SCAPER: variants seen among roughly 807,000 people sequenced by gnomAD.
The protein encoded by SCAPER is S-phase cyclin A associated protein in the ER, also known as S phase cyclin A-associated protein in the endoplasmic reticulum.
SCAPER carries 98 observed loss-of-function variants against 182.2 expected under a neutral mutation model. That is an observed-to-expected ratio of 0.54 (90% CI 0.46 to 0.64). SCAPER has a LOEUF of 0.64. Ranked by LOEUF, SCAPER falls within the 30% of genes least tolerant of loss-of-function variation. The probability of loss-of-function intolerance (pLI) is 0.00; values close to 1 mark genes in which losing one functional copy is unlikely to be tolerated. For missense variants in SCAPER, 1,432 were observed against 1,690.0 expected (o/e 0.85, Z 2.68); for synonymous variants, 605 against 564.6 (o/e 1.07, Z -1.01).
rs2046884528 is a variant in SCAPER, at chr15:76,431,708, T to G, written c.3311+2370A>C. 7.5e-5 allele frequency among the ~76,000 whole-genome samples: 5 copies of G among 66,954 alleles called. No individual in the cohort carries two copies. The South Asian group carries it at 3.0e-3, about 41-fold the overall frequency. 43.9% of individuals were successfully genotyped at this position (66,954 alleles called of 152,430 possible). ...AAAAAAAAAAAAAAAAAAAAAATGC[T>G]TTGTTTGCTAAACTAGGCAGATGTG... is the stretch of plus-strand genomic sequence containing the variant. On this transcript the variant is annotated intron_variant, in intron 26 of 31. Transcript: ENST00000563290.
rs187022800 is a variant in SCAPER, at chr15:76,901,600, G to A, written c.-60+3699C>T. Among the ~76,000 whole-genome samples, 165 of 152,132 alleles carry A rather than the reference G, an allele frequency of 1.1e-3. 1 individual carries two copies. Among genetic ancestry groups the A allele is most frequent in the Middle Eastern group, 6.8e-3 (2 of 294 alleles). ...AGTTCATCATACTATTCTCTTTTGC[G>A]TATGTTTCAAAACATAAAATGAACG... On this transcript the variant is annotated intron_variant, in intron 1 of 31. Coordinates refer to ENST00000563290, the MANE Select transcript of SCAPER (RefSeq NM_020843.4).
intron 8 of SCAPER, among the ~76,000 whole-genome samples, chr15:76,793,075 CTAA>C (rs1316093484): frequency 1.3e-5 from 2 of 152,142 alleles, no homozygotes; most frequent in Non-Finnish European, 2.9e-5. Flanking sequence ...AGTCCAATTT[CTAA>C]ATCATTTTAT....
chr15:76,521,621 C>G (rs866798226), intron 23 of SCAPER, among the ~76,000 whole-genome samples: 1 of 152,004 alleles, frequency 6.6e-6, no homozygotes, highest in Non-Finnish European at 1.5e-5. Context: ...TTATATAAAG[C>G]GTATACAAAG....
At chr15:76,511,843 A>ATATGTGTGTGTGTGTGTG (rs151255382) in intron 23 of SCAPER, among the ~76,000 whole-genome samples, 36 of 123,286 alleles carry the variant, frequency 2.9e-4, no homozygotes, top group African/African-American at 1.1e-3. Context: ...ATATATATAT[A>ATATGTGTGTGTGTGTGTG]TGTGTGTGTG....
chr15:76,433,439 C>T (rs1006742307), intron 26 of SCAPER, among the ~76,000 whole-genome samples: 2 of 151,994 alleles, frequency 1.3e-5, no homozygotes, highest in African/African-American at 2.4e-5. Flanking sequence ...ACCCAGGAGG[C>T]GAAGGTTGCT....
chr15:76,899,702 C>T (rs577267133), intron 1 of SCAPER, among the ~76,000 whole-genome samples: 3 of 152,054 alleles, frequency 2.0e-5, no homozygotes, highest in South Asian at 2.1e-4. Flanking sequence ...GCCGCCACCC[C>T]GTCTAGGAAG....
chr15:76,592,617 T>C lies in SCAPER; in HGVS notation c.2712-18333A>G, dbSNP rs1330699216. 2.5e-5 allele frequency among the ~76,000 whole-genome samples: 3 copies of C among 122,230 alleles called. 1 individual carries two copies. Among genetic ancestry groups the C allele is most frequent in the Non-Finnish European group, 6.0e-5 (3 of 50,114 alleles). 80.2% of individuals were successfully genotyped at this position (122,230 alleles called of 152,430 possible). On this transcript the variant is annotated intron_variant, in intron 22 of 31. Transcript: ENST00000563290. Reference sequence around the variant, plus strand: ...GTGATTTCTGCATTTCCAACTGAGGTACCTGGCTCATCTCACTGGGACTGG... The same window carrying C: ...GTGATTTCTGCATTTCCAACTGAGGCACCTGGCTCATCTCACTGGGACTGG...
intron 21 of SCAPER, among the ~76,000 whole-genome samples, chr15:76,646,272 G>A (rs1311668176): frequency 4.0e-5 from 6 of 151,856 alleles, no homozygotes; most frequent in East Asian, 1.9e-4. Context: ...ACACACACAC[G>A]CACCCCCCAT....
At chr15:76,534,314 T>C (rs1422617086) in intron 23 of SCAPER, among the ~76,000 whole-genome samples, 1 of 152,120 alleles carries the variant, frequency 6.6e-6, no homozygotes, top group Non-Finnish European at 1.5e-5. Context: ...AAAACAAAGA[T>C]CTTGTTTGAC....
intron 4 of SCAPER, among the ~76,000 whole-genome samples, chr15:76,848,711 T>C (rs1436150224): frequency 6.6e-6 from 1 of 152,188 alleles, no homozygotes; most frequent in African/African-American, 2.4e-5. Flanking sequence ...ACACACTCAA[T>C]TTGTCAGTTC....
chr15:76,859,595 T>A (rs1034969954), intron 3 of SCAPER, among the ~76,000 whole-genome samples: 1 of 152,254 alleles, frequency 6.6e-6, no homozygotes, highest in Non-Finnish European at 1.5e-5. Context: ...TAATTGCCTA[T>A]ATGTGGCAAA....
chr15:76,669,612 G>A (rs571848320), intron 20 of SCAPER, among the ~76,000 whole-genome samples: 4 of 152,258 alleles, frequency 2.6e-5, no homozygotes, highest in African/African-American at 9.6e-5. Flanking sequence ...TAAAGCAGGT[G>A]GTAGTATGTT....
At chr15:76,557,361 C>T (rs1047836983) in intron 23 of SCAPER, among the ~76,000 whole-genome samples, 3 of 152,198 alleles carry the variant, frequency 2.0e-5, no homozygotes, top group Admixed American at 6.5e-5. Context: ...TCAATCTATG[C>T]TACAAGGCTA....
intron 26 of SCAPER, among the ~76,000 whole-genome samples, chr15:76,424,711 A>C (rs1267506566): frequency 2.6e-5 from 4 of 152,166 alleles, no homozygotes; most frequent in Non-Finnish European, 4.4e-5. Context: ...TCTTCCTAGC[A>C]TCAATGGTCT....
intron 8 of SCAPER, among the ~76,000 whole-genome samples, chr15:76,789,280 A>G (rs1437288599): frequency 6.6e-6 from 1 of 152,146 alleles, no homozygotes; most frequent in Non-Finnish European, 1.5e-5. Context: ...AAAACCACAC[A>G]TACCAAGAGG....
At chr15:76,524,689 G>GTTTTTTTTTTTTTT (rs35944222) in intron 23 of SCAPER, among the ~76,000 whole-genome samples, 46 of 50,114 alleles carry the variant, frequency 9.2e-4, no homozygotes, top group East Asian at 1.5e-3. Context: ...TTTTTGTTCT[G>GTTTTTTTTTTTTTT]TTTTTTTTTT....
intron 25 of SCAPER, among the ~76,000 whole-genome samples, chr15:76,446,318 G>C (rs755610473): frequency 6.6e-6 from 1 of 152,138 alleles, no homozygotes; most frequent in Non-Finnish European, 1.5e-5. Context: ...AAACAAGCGT[G>C]ATGGAAGTTT....
chr15:76,480,067 CAAA>C (rs933021220), intron 24 of SCAPER, among the ~76,000 whole-genome samples: 3 of 152,160 alleles, frequency 2.0e-5, no homozygotes, highest in African/African-American at 7.2e-5. Flanking sequence ...CCTCGCAAAA[CAAA>C]GAAGATGATT....
At chr15:76,486,685 GA>G (rs2051686993) in intron 24 of SCAPER, among the ~76,000 whole-genome samples, 1 of 152,132 alleles carries the variant, frequency 6.6e-6, no homozygotes, top group South Asian at 2.1e-4. Flanking sequence ...AAACAGTCAA[GA>G]AATAACAGAG....
Sources: gnomAD v4.1 joint callset for allele counts (sites outside exome capture counted in the v4.1 genomes callset) on GRCh38, gnomAD v4.1.1 for gene constraint, MANE v1.5 for transcripts, NCBI Gene and HGNC (gene_info 2026-07-23, HGNC 2026-07-21) for gene names.